Variants in UNC5B observed in about 807,000 individuals in gnomAD.
UNC5B encodes netrin receptor UNC5B.
Under a neutral mutation model 103.7 loss-of-function variants are expected in UNC5B, and 56 were observed. The observed-to-expected ratio is 0.54, with a 90% confidence interval of 0.44 to 0.67. UNC5B has a LOEUF of 0.67. Among genes scored for constraint, UNC5B ranks in the 30% least tolerant of loss-of-function variants. The pLI is 0.00. For missense variants in UNC5B, 1,194 were observed against 1,284.5 expected (o/e 0.93, Z 1.08); for synonymous variants, 577 against 542.0 (o/e 1.06, Z -0.90).
At chr10:71,293,599 C>G in intron 12 of UNC5B, 26 bp downstream of exon 12, 4 of 1,613,068 alleles carry the variant, frequency 2.5e-6, no homozygotes, top group Non-Finnish European at 3.4e-6. Context: ...GAAGGCTGGC[C>G]CAGCTCTCCC....
chr10:71,238,088 G>A (rs1303826953), intron 1 of UNC5B, among the ~76,000 whole-genome samples: 1 of 152,202 alleles, frequency 6.6e-6, no homozygotes, highest in Non-Finnish European at 1.5e-5. Context: ...GAAATCTGGA[G>A]CTGTTCAGAA....
intron 16 of UNC5B, among the ~76,000 whole-genome samples, chr10:71,298,596 T>C (rs190490505): frequency 6.6e-6 from 1 of 152,246 alleles, no homozygotes; most frequent in East Asian, 1.9e-4. Flanking sequence ...GTAATAAACC[T>C]GCATTGAGTC....
At position 71,284,700 on chromosome 10, in the gene UNC5B, GCT is replaced by G. The variant is rs776961313; in HGVS notation, c.305-13_305-12del. The G allele has an allele frequency of 6.2e-7, 1 of 1,612,482 alleles. No individual in the cohort carries two copies. The highest frequency in any genetic ancestry group is 1.1e-5 in the South Asian group (1 of 91,066). ...CTTGCTTTGCCCCTGCCCCCTGACGGCTCTCTCTTCTCCTCCCAGGCCTGCGG... is the reference window on the plus strand; with the variant it reads ...CTTGCTTTGCCCCTGCCCCCTGACGGCTCTCTTCTCCTCCCAGGCCTGCGG... On this transcript the variant is annotated intron_variant, in intron 2 of 16. Coordinates refer to ENST00000335350, the MANE Select transcript of UNC5B (RefSeq NM_170744.5).
intron 1 of UNC5B, among the ~76,000 whole-genome samples, chr10:71,235,981 C>T (rs1195620093): frequency 2.6e-5 from 4 of 152,264 alleles, no homozygotes; most frequent in Non-Finnish European, 4.4e-5. Flanking sequence ...CAGGTCCACA[C>T]TCTGCCACTA....
intron 1 of UNC5B, among the ~76,000 whole-genome samples, chr10:71,247,003 C>T (rs1425052814): frequency 2.0e-5 from 3 of 152,186 alleles, no homozygotes; most frequent in Non-Finnish European, 2.9e-5. Flanking sequence ...TGATCACGCC[C>T]CTGCTACCTG....
At chr10:71,229,344 A>C (rs1173339894) in intron 1 of UNC5B, among the ~76,000 whole-genome samples, 1 of 152,140 alleles carries the variant, frequency 6.6e-6, no homozygotes, top group Non-Finnish European at 1.5e-5. Context: ...AGCAGAGGAG[A>C]CCCTGGGAGG....
chr10:71,252,167 A>G lies in UNC5B; in HGVS notation c.80-27654A>G, dbSNP rs1188005374. ...TTTTATTTTTCCAGGTCTAGTCCCT[A>G]TATAGTTGATCATTCACAGTGACTC... On this transcript the variant is annotated intron_variant, in intron 1 of 16. Transcript: ENST00000335350. Among the ~76,000 whole-genome samples, 9 of 152,314 alleles carry G rather than the reference A, an allele frequency of 5.9e-5. No individual in the cohort carries two copies. The East Asian group carries it at 1.2e-3, about 20-fold the overall frequency.
At position 71,295,915 on chromosome 10, in the gene UNC5B, C is replaced by T; in HGVS notation, c.2280C>T (p.Asp760=). 2 of 1,613,328 alleles carry T rather than the reference C, an allele frequency of 1.2e-6. No individual in the cohort carries two copies. Among genetic ancestry groups the T allele is most frequent in the Non-Finnish European group, 1.7e-6 (2 of 1,180,028 alleles). Reference sequence around the variant, plus strand: ...ACAACCTGCGCCTCTCCCTCCATGACCTCCCCCATGCCCATTGGAGGAGCA... The same window carrying T: ...ACAACCTGCGCCTCTCCCTCCATGATCTCCCCCATGCCCATTGGAGGAGCA... ...SYHNLRLSLH[D]LPHAHWRSKL... is the part of the protein sequence containing the mutation. The change falls in exon 14 of 17, where the codon GAC becomes GAT. Residue 760 remains aspartate, a synonymous_variant. Coordinates refer to ENST00000335350, the MANE Select transcript of UNC5B (RefSeq NM_170744.5).
chr10:71,269,148 G>T (rs1308384062), intron 1 of UNC5B, among the ~76,000 whole-genome samples: 1 of 152,058 alleles, frequency 6.6e-6, no homozygotes. Context: ...CCAGATTTAG[G>T]TAACTAAATA....
Position 71,299,548 on chromosome 10 carries a change from C to T in UNC5B, c.*271C>T. ...GCAGGAACCAAGATGGGGCTGAAGCCTCTGGAGGCAGTTGGTTGGGGGCGG... is the reference window on the plus strand; with the variant it reads ...GCAGGAACCAAGATGGGGCTGAAGCTTCTGGAGGCAGTTGGTTGGGGGCGG... On this transcript the variant is annotated 3_prime_UTR_variant, in exon 17 of 17. Transcript: ENST00000335350. 2.8e-6 allele frequency: 1 copy of T among 351,070 alleles called. No homozygotes were observed. Among genetic ancestry groups the T allele is most frequent in the South Asian group, 5.9e-5 (1 of 16,970 alleles). 21.7% of individuals were successfully genotyped at this position (351,070 alleles called of 1,614,324 possible).
chr10:71,262,027 G>C (rs1289563169), intron 1 of UNC5B, among the ~76,000 whole-genome samples: 1 of 152,064 alleles, frequency 6.6e-6, no homozygotes, highest in Non-Finnish European at 1.5e-5. Context: ...GAGGTGGGAA[G>C]ATAGTTTCAA....
intron 1 of UNC5B, among the ~76,000 whole-genome samples, chr10:71,230,098 C>G (rs138455032): frequency 0.011 from 1,737 of 152,250 alleles, 16 homozygotes; most frequent in Non-Finnish European, 0.018. Flanking sequence ...TCTGCTCTTG[C>G]CTTGGTTTGG....
chr10:71,241,888 A>G lies in UNC5B; in HGVS notation c.79+28824A>G, dbSNP rs1843909522. 2.0e-5 allele frequency among the ~76,000 whole-genome samples: 3 copies of G among 152,124 alleles called. 1 individual carries two copies. In the South Asian group the frequency reaches 6.2e-4, roughly 32 times the overall value. Reference sequence around the variant, plus strand: ...TAGAGATAATAGCAGCCTGTTAGTTATCTTGTGTATCACCTCCTATGTGAT... The same window carrying G: ...TAGAGATAATAGCAGCCTGTTAGTTGTCTTGTGTATCACCTCCTATGTGAT... On this transcript the variant is annotated intron_variant, in intron 1 of 16. Coordinates refer to ENST00000335350, the MANE Select transcript of UNC5B (RefSeq NM_170744.5).
intron 1 of UNC5B, among the ~76,000 whole-genome samples, chr10:71,240,094 C>A (rs189542276): frequency 1.3e-4 from 20 of 152,208 alleles, no homozygotes; most frequent in Admixed American, 6.5e-4. Flanking sequence ...CCCACCCTCA[C>A]GGTCTCTCCA....
chr10:71,288,871 C>A, intron 7 of UNC5B, 87 bp from the exon 8 acceptor site: 1 of 1,565,304 alleles, frequency 6.4e-7, no homozygotes, highest in East Asian at 2.2e-5. Flanking sequence ...CCACATCCAT[C>A]ATCTCATCTC....
intron 1 of UNC5B, among the ~76,000 whole-genome samples, chr10:71,221,877 C>A (rs1843458625): frequency 6.6e-6 from 1 of 152,156 alleles, no homozygotes; most frequent in Admixed American, 6.5e-5. Flanking sequence ...TTAGTTCCTT[C>A]ATTTGTAAAA....
chr10:71,293,918 G>A lies in UNC5B; in HGVS notation c.2160G>A (p.Thr720=), dbSNP rs374874158. The change falls in exon 13 of 17, where the codon ACG becomes ACA. Residue 720 remains threonine (T), a synonymous_variant. Coordinates refer to ENST00000335350, the MANE Select transcript of UNC5B (RefSeq NM_170744.5). ...TCCGGGTCTACTGCCTGGAGGACAC[G>A]CCTGTAGCACTGAAGGTAGGGCCAG... ...YSLRVYCLED[T]PVALKEVLEL... is the part of the protein sequence containing the mutation. 9.1e-5 allele frequency: 146 copies of A among 1,601,616 alleles called. No homozygotes were observed. Among genetic ancestry groups the A allele is most frequent in the Admixed American group, 6.2e-4 (37 of 59,868 alleles).
rs774556351 is a variant in UNC5B at position 71,293,456 on chromosome 10, A to C, written c.1824A>C (p.Gly608=). The C allele has an allele frequency of 2.5e-6, 4 of 1,613,870 alleles. No individual in the cohort carries two copies. The highest frequency in any genetic ancestry group is 3.4e-6 in the Non-Finnish European group (4 of 1,179,992). ...QTVLSPSVTC[G]PTGLLLCRPV... is the part of the protein sequence containing the mutation. ...TATTGAGCCCCTCGGTGACCTGTGG[A>C]CCCACAGGCCTCCTGCTGTGCCGCC... Residue 608 remains glycine (G), a synonymous_variant, in exon 12 of 17, where the codon GGA becomes GGC. Transcript: ENST00000335350.
chr10:71,252,574 T>C (rs1844198063), intron 1 of UNC5B, among the ~76,000 whole-genome samples: 1 of 152,208 alleles, frequency 6.6e-6, no homozygotes, highest in South Asian at 2.1e-4. Flanking sequence ...CAGCTTTTAT[T>C]ATGTGCCAGG....
Sources: allele counts gnomAD v4.1 joint callset (sites outside exome capture counted in the v4.1 genomes callset), GRCh38; gene constraint gnomAD v4.1.1; transcripts MANE v1.5; gene names NCBI Gene and HGNC (gene_info 2026-07-23, HGNC 2026-07-21).